The following C1R variants were observed in gnomAD, a reference collection of about 807,000 sequenced individuals.
The protein encoded by C1R is complement C1r subcomponent.
In C1R, 15 loss-of-function variants were observed where a neutral mutation model predicts 27.6. That is an observed-to-expected ratio of 0.54 (90% CI 0.36 to 0.84). The LOEUF is 0.84. Among genes scored for constraint, C1R ranks in the 40% least tolerant of loss-of-function variants. C1R has a pLI of 0.01. For missense variants in C1R, 544 were observed against 577.9 expected (o/e 0.94, Z 0.60); for synonymous variants, 253 against 228.8 (o/e 1.11, Z -0.95).
chr12:7,080,729 C>T lies in C1R; in HGVS notation c.1921G>A (p.Gly641Arg). ...DVFSQNMFCA[G>R]HPSLKQDACQ... is the part of the protein sequence containing the mutation. ...GCGTCCTGCTTTAGAGATGGGTGTC[C>T]AGCACAGAACATGTTTTGAGAGAAC... The change falls in exon 11 of 11, where the codon GGA (glycine) becomes AGA (arginine). Residue 641 changes from glycine to arginine, a missense_variant. Gly to Arg is a moderately radical substitution (Grantham distance 125). Coordinates refer to ENST00000647956, the MANE Select transcript of C1R (RefSeq NM_001733.7). The surrounding 1 kb of genome is among the most constrained non-coding windows in gnomAD (Gnocchi z 4.9). 6.2e-7 allele frequency: 1 copy of T among 1,613,988 alleles called. No homozygotes were observed. Among genetic ancestry groups the T allele is most frequent in the Admixed American group, 1.7e-5 (1 of 60,010 alleles).
chr12:7,087,738 T>G (rs946121404), intron 7 of C1R: 6 of 154,402 alleles, frequency 3.9e-5, no homozygotes, highest in African/African-American at 1.4e-4. Flanking sequence ...ACAAAGGCTG[T>G]GTGACTATGT....
chr12:7,090,430 G>A, intron 2 of C1R, 182 bp from the exon 3 acceptor site: 1 of 598,798 alleles, frequency 1.7e-6, no homozygotes, highest in Non-Finnish European at 3.0e-6. Context: ...GCTGTTCCCT[G>A]AGTCTCCCAC....
At position 7,089,405 on chromosome 12, in the gene C1R, C is replaced by A. The variant is rs199899342; in HGVS notation, c.656G>T (p.Arg219Leu). Residue 219 changes from arginine (R) to leucine (L), a missense_variant, in exon 5 of 11, where the codon CGC becomes CTC. Arg to Leu is a moderately radical substitution (Grantham distance 102). Transcript: ENST00000647956. ...CTCCACCCGGATGCTGTAGTTGCAG[C>A]GCAGGTCAGGGGGGTAGGACCGAGG... ...EYPRSYPPDL[R>L]CNYSIRVERG... is the part of the protein sequence containing the mutation. The A allele has an allele frequency of 1.4e-4, 108 of 780,490 alleles. No individual in the cohort carries two copies. Among genetic ancestry groups the A allele is most frequent in the African/African-American group, 2.0e-4 (12 of 59,238 alleles). 48.3% of individuals were successfully genotyped at this position (780,490 alleles called of 1,614,324 possible).
At chr12:7,090,493 T>C (rs1411356301) in intron 2 of C1R, 2 of 503,460 alleles carry the variant, frequency 4.0e-6, no homozygotes, top group Non-Finnish European at 7.0e-6. Flanking sequence ...CTTTCCCTGT[T>C]TTCTGCTCCT....
chr12:7,080,631 G>A lies in C1R; in HGVS notation c.2019C>T (p.Ile673=), dbSNP rs777728352. Residue 673 remains isoleucine (I), a synonymous_variant, in exon 11 of 11, where the codon ATC becomes ATT. Coordinates refer to ENST00000647956, the MANE Select transcript of C1R (RefSeq NM_001733.7). This position sits in a 1 kb window ranked among gnomAD's most constrained non-coding sequence, Gnocchi z 4.9. The stretch of plus-strand genomic sequence containing the variant: ...TGCTGCACCCGATGCCCCAGGACAC[G>A]ATGCCCGTGGCCACCCAGCGATCAG... ...PNTDRWVATG[I]VSWGIGCSRG... 4.0e-5 allele frequency: 65 copies of A among 1,613,794 alleles called. 1 individual carries two copies. In the South Asian group the frequency reaches 6.7e-4, roughly 17 times the overall value.
In C1R at chr12:7,092,278, G is replaced by A. The variant is rs899760777; in HGVS notation, c.2+109C>T. The A allele has an allele frequency of 3.9e-6, 3 of 768,738 alleles. No homozygotes were observed. The African/African-American group carries it at 5.1e-5, about 13-fold the overall frequency. The allele number at this position is 768,738 out of a possible 1,614,324, so 47.6% of individuals were successfully genotyped here. A position where few individuals can be genotyped will look rare whatever the true frequency, so the allele number is the denominator to read the frequency against. ...CACGCGTGTGCACAGTGGAACTGAT[G>A]AGGTGTGTGAAGAGAGAAGGGTGTT... On this transcript the variant is annotated intron_variant, in intron 1 of 10. Coordinates refer to ENST00000647956, the MANE Select transcript of C1R (RefSeq NM_001733.7).
At position 7,081,192 on chromosome 12, in the gene C1R, G is replaced by T. The variant is rs777050185; in HGVS notation, c.1458C>A (p.Arg486=). 2 of 1,613,640 alleles carry T rather than the reference G, an allele frequency of 1.2e-6. No individual in the cohort carries two copies. The highest frequency in any genetic ancestry group is 1.1e-5 in the South Asian group (1 of 91,066). ...GGTCGCCCAGCAGGGCCCCGCCCCC[G>T]CGCCCGTGGATGTTGGTGAACACCT... The part of the protein sequence containing the change: ...PWQVFTNIHG[R]GGGALLGDRW... The change falls in exon 11 of 11, where the codon CGC becomes CGA. Residue 486 remains arginine, a synonymous_variant. Transcript: ENST00000647956.
chr12:7,082,135 T>C, intron 9 of C1R, 29 bp from the exon 10 acceptor site: 1 of 1,270,892 alleles, frequency 7.9e-7, no homozygotes, highest in African/African-American at 1.5e-5. Flanking sequence ...AGAATCAAGT[T>C]GGGGGGTGAT....
rs781451470 is a variant in C1R at position 7,088,874 on chromosome 12, T to C, written c.881A>G (p.Asp294Gly). 3.9e-6 allele frequency: 3 copies of C among 776,558 alleles called. No individual in the cohort carries two copies. The highest frequency in any genetic ancestry group is 4.8e-6 in the Non-Finnish European group (2 of 416,688). 48.1% of individuals were successfully genotyped at this position (776,558 alleles called of 1,614,324 possible). The change falls in exon 6 of 11, where the codon GAC becomes GGC. Residue 294 changes from aspartate (D) to glycine (G), a missense_variant. This residue lies in a region of C1R where 291 missense variants were observed against 209.0 expected (regional missense o/e 1.39). Coordinates refer to ENST00000647956, the MANE Select transcript of C1R (RefSeq NM_001733.7). ...DLLFFTDESG[D>G]SRGWKLRYTT... is the part of the protein sequence containing the mutation. ...GTAGCGCAGCTTCCAGCCCCGGCTG[T>C]CCCCCGACTCATCTGTGAAGAACAG...
intron 9 of C1R, 132 bp downstream of exon 9, chr12:7,085,729 A>G (rs1240070696): frequency 2.5e-6 from 1 of 396,802 alleles, no homozygotes; most frequent in African/African-American, 2.1e-5. Flanking sequence ...TAGCACTATA[A>G]TTTAGGCCCC....
At position 7,085,164 on chromosome 12, in the gene C1R, T is replaced by C. The variant is rs1039413125; in HGVS notation, c.1273+697A>G. Among the ~76,000 whole-genome samples, 187 of 150,494 alleles carry C rather than the reference T, an allele frequency of 1.2e-3. 2 individuals are homozygous for C. The Middle Eastern group carries it at 0.024, about 20-fold the overall frequency. ...ATGATGGTGTTGGTGGTGATGGTGGTGTTGGTGTCAGTAATGGTGGTGGTG... is the reference window on the plus strand; with the variant it reads ...ATGATGGTGTTGGTGGTGATGGTGGCGTTGGTGTCAGTAATGGTGGTGGTG... On this transcript the variant is annotated intron_variant, in intron 9 of 10. Transcript: ENST00000647956.
At position 7,089,004 on chromosome 12, in the gene C1R, T is replaced by G. The variant is rs1443003770; in HGVS notation, c.769-18A>C. 1.9e-6 allele frequency: 1 copy of G among 520,270 alleles called. No individual in the cohort carries two copies. Among genetic ancestry groups the G allele is most frequent in the Non-Finnish European group, 3.5e-6 (1 of 283,550 alleles). The allele number at this position is 520,270 out of a possible 1,614,324, so 32.2% of individuals were successfully genotyped here. ...GCATAGATCTAGTAGGGGAGGAGGG[T>G]TTTTTTTTTTCAGCTTGGACGTTTT... On this transcript the variant is annotated intron_variant, in intron 5 of 10. Transcript: ENST00000647956.
In C1R at chr12:7,088,873, GT is replaced by G; in HGVS notation, c.881del (p.Asp294AlafsTer22). ...TGTAGCGCAGCTTCCAGCCCCGGCT[GT>G]CCCCCGACTCATCTGTGAAGAACAG... Reference protein sequence around the residue: ...DLLFFTDESGDSRGWKLRYTT... With the variant: ...DLLFFTDESGXSRGWKLRYTT... On this transcript the variant is annotated frameshift_variant, in exon 6 of 11. Coordinates refer to ENST00000647956, the MANE Select transcript of C1R (RefSeq NM_001733.7). LOFTEE classifies it high-confidence loss of function. 1.3e-6 allele frequency: 1 copy of G among 776,930 alleles called. No individual in the cohort carries two copies. Among genetic ancestry groups the G allele is most frequent in the African/African-American group, 1.7e-5 (1 of 59,024 alleles). The allele number at this position is 776,930 out of a possible 1,614,324, so 48.1% of individuals were successfully genotyped here. A position where few individuals can be genotyped will look rare whatever the true frequency, so the allele number is the denominator to read the frequency against.
chr12:7,086,858 C>T (rs2135741582), intron 7 of C1R: 2 of 156,410 alleles, frequency 1.3e-5, no homozygotes, highest in East Asian at 3.7e-4. Flanking sequence ...GCTGGTGTCC[C>T]CTGCCTCCAG....
At chr12:7,082,794 G>A (rs1292983813) in intron 9 of C1R, among the ~76,000 whole-genome samples, 1 of 152,154 alleles carries the variant, frequency 6.6e-6, no homozygotes, top group Non-Finnish European at 1.5e-5. Context: ...AATGTGCCAT[G>A]CTTGTTGCTA....
In C1R at chr12:7,081,040, A is replaced by C; in HGVS notation, c.1610T>G (p.Ile537Ser). Residue 537 changes from isoleucine to serine, a missense_variant, in exon 11 of 11, where the codon ATC (isoleucine) becomes AGC (serine). Transcript: ENST00000647956. The stretch of plus-strand genomic sequence containing the variant: ...GTCCGGGTGGACGCTGACCCTGCGG[A>C]TGGGGTGATTTCCTAGCTTCATGAG... ...EELMKLGNHP[I>S]RRVSVHPDYR... 1 of 1,613,926 alleles carries C rather than the reference A, an allele frequency of 6.2e-7. No homozygotes were observed. The highest frequency in any genetic ancestry group is 2.2e-5 in the East Asian group (1 of 44,878).
At position 7,092,380 on chromosome 12, in the gene C1R, TACTC is replaced by T. The variant is rs1565632239; in HGVS notation, c.2+3_2+6del. 2 of 780,862 alleles carry T rather than the reference TACTC, an allele frequency of 2.6e-6. No individual in the cohort carries two copies. Among genetic ancestry groups the T allele is most frequent in the African/African-American group, 1.7e-5 (1 of 59,248 alleles). The allele number at this position is 780,862 out of a possible 1,614,324, so 48.4% of individuals were successfully genotyped here. A position where few individuals can be genotyped will look rare whatever the true frequency, so the allele number is the denominator to read the frequency against. Reference sequence around the variant, plus strand: ...CTCCCACCTGGTTGCCCATCACCCTTACTCACATTTCTCAAGGCCCGTGTTGAAT... The same window carrying T: ...CTCCCACCTGGTTGCCCATCACCCTTACATTTCTCAAGGCCCGTGTTGAAT... On this transcript the variant is annotated splice_donor_5th_base_variant and intron_variant, in intron 1 of 10. Coordinates refer to ENST00000647956, the MANE Select transcript of C1R (RefSeq NM_001733.7).
chr12:7,088,515 C>T (rs2135742615), intron 7 of C1R, 95 bp downstream of exon 7: 1 of 718,004 alleles, frequency 1.4e-6, no homozygotes, highest in Non-Finnish European at 2.6e-6. Context: ...GTCTACGACT[C>T]CAGCTGGGGT....
chr12:7,092,342 CCCTGGCTT>C (rs758337799), intron 1 of C1R, 37 bp downstream of exon 1: 9 of 780,814 alleles, frequency 1.2e-5, no homozygotes, highest in Admixed American at 3.4e-5. Flanking sequence ...CTGGCTTCTC[CCCTGGCTT>C]CTCCCTCCCA....
Sources: allele counts gnomAD v4.1 joint callset (sites outside exome capture counted in the v4.1 genomes callset), GRCh38; gene constraint gnomAD v4.1.1; regional missense constraint gnomAD v4.1.1; non-coding constraint Gnocchi (gnomAD v3.1); transcripts MANE v1.5; gene names NCBI Gene and HGNC (gene_info 2026-07-23, HGNC 2026-07-21).